The following GLI3 variants were observed in gnomAD, a reference collection of about 807,000 sequenced individuals.
GLI3 encodes GLI family zinc finger 3.
A neutral mutation model predicts 100.8 loss-of-function variants in GLI3; 20 were observed. The observed-to-expected ratio is 0.20, with a 90% CI of 0.14 to 0.29. GLI3 has a LOEUF of 0.29. Ranked by LOEUF, GLI3 falls within the 10% of genes least tolerant of loss-of-function variation. The pLI is 1.00. For missense variants in GLI3, 2,040 were observed against 2,128.5 expected (o/e 0.96, Z 0.82); for synonymous variants, 938 against 860.5 (o/e 1.09, Z -1.58).
chr7:42,057,793 A>T (rs944236983), intron 4 of GLI3, among the ~76,000 whole-genome samples: 1 of 152,196 alleles, frequency 6.6e-6, no homozygotes, highest in African/African-American at 2.4e-5. Flanking sequence ...ACCAAATACC[A>T]TATGTTCTCA....
At chr7:42,253,152 C>T (rs1219011728) in intron 1 of GLI3, among the ~76,000 whole-genome samples, 4 of 152,184 alleles carry the variant, frequency 2.6e-5, no homozygotes, top group African/African-American at 7.2e-5. Context: ...TCATCCACAA[C>T]CAGACAGATG....
At chr7:42,092,000 G>A (rs1785230405) in intron 3 of GLI3, among the ~76,000 whole-genome samples, 1 of 152,236 alleles carries the variant, frequency 6.6e-6, no homozygotes, top group African/African-American at 2.4e-5. Context: ...GCTGGGCCTC[G>A]AAACCCTCTG....
At chr7:42,137,546 G>C (rs1786459344) in intron 3 of GLI3, among the ~76,000 whole-genome samples, 1 of 152,076 alleles carries the variant, frequency 6.6e-6, no homozygotes, top group Admixed American at 6.6e-5. Flanking sequence ...TGGCTGCAAA[G>C]ACACCTCCTG....
intron 1 of GLI3, among the ~76,000 whole-genome samples, chr7:42,235,223 T>G (rs1194735966): frequency 6.6e-6 from 1 of 152,174 alleles, no homozygotes; most frequent in Non-Finnish European, 1.5e-5. Flanking sequence ...ATGAAATAAT[T>G]ACAGGAATCA....
chr7:42,126,976 C>T (rs146380589), intron 3 of GLI3, among the ~76,000 whole-genome samples: 40 of 152,236 alleles, frequency 2.6e-4, no homozygotes, highest in African/African-American at 8.4e-4. Context: ...CCACAGCCAG[C>T]CCCTGAACCA....
At chr7:42,239,248 T>C (rs757794793), upstream of GLI3, among the ~76,000 whole-genome samples, 3 of 152,198 alleles carry the variant, frequency 2.0e-5, no homozygotes, top group Non-Finnish European at 4.4e-5. Flanking sequence ...CCGCGCTCAC[T>C]AACTGGCCTC....
At chr7:41,988,692 T>C (rs778590802) in intron 10 of GLI3, among the ~76,000 whole-genome samples, 1 of 152,168 alleles carries the variant, frequency 6.6e-6, no homozygotes, top group Non-Finnish European at 1.5e-5. Context: ...CAGTGAGAAA[T>C]CAACTTCTCT....
At position 42,166,518 on chromosome 7, in the gene GLI3, G is replaced by A. The variant is rs3779163; in HGVS notation, c.125-18050C>T. On this transcript the variant is annotated intron_variant, in intron 2 of 14. Transcript: ENST00000395925. The stretch of plus-strand genomic sequence containing the variant: ...GAGCATCCCTGTGGGCCTTGGCAAT[G>A]GGGCCCCAAGAAACAAGATGCCAAA... Among the ~76,000 whole-genome samples, 307 of 152,152 alleles carry A rather than the reference G, an allele frequency of 2.0e-3. 5 individuals carry two copies. In the East Asian group the frequency reaches 0.03, roughly 15 times the overall value.
intron 4 of GLI3, among the ~76,000 whole-genome samples, chr7:42,051,477 C>G (rs1784350711): frequency 1.3e-5 from 2 of 152,166 alleles, no homozygotes; most frequent in Non-Finnish European, 1.5e-5. Context: ...TATGTAAAAT[C>G]ATATGTGACA....
chr7:42,217,437 ACT>A (rs1788400236), intron 2 of GLI3, among the ~76,000 whole-genome samples: 1 of 152,012 alleles, frequency 6.6e-6, no homozygotes, highest in African/African-American at 2.4e-5. Flanking sequence ...AAACATAAAA[ACT>A]CTCTATAAAA....
chr7:42,250,236 T>C (rs1165640135), intron 1 of GLI3, among the ~76,000 whole-genome samples: 1 of 152,192 alleles, frequency 6.6e-6, no homozygotes, highest in Non-Finnish European at 1.5e-5. Flanking sequence ...TTCTTTGTAA[T>C]ATGGACCATT....
At chr7:42,177,067 G>A (rs1483434654) in intron 2 of GLI3, among the ~76,000 whole-genome samples, 1 of 152,190 alleles carries the variant, frequency 6.6e-6, no homozygotes, top group Non-Finnish European at 1.5e-5. Context: ...TTTGTTACAG[G>A]AGGGGCTGAT....
rs191295281 is a variant in GLI3, at chr7:41,961,274, C to T, written c.*3056G>A. 6.6e-6 allele frequency: 1 copy of T among 152,522 alleles called. No homozygotes were observed. Among genetic ancestry groups the T allele is most frequent in the African/African-American group, 2.4e-5 (1 of 41,522 alleles). 9.4% of individuals were successfully genotyped at this position (152,522 alleles called of 1,614,324 possible). Reference sequence around the variant, plus strand: ...TTTTATTTTACATGTCTGCAGGATACACAAGGGTAACTTGTCAGAAGAGAA... The same window carrying T: ...TTTTATTTTACATGTCTGCAGGATATACAAGGGTAACTTGTCAGAAGAGAA... On this transcript the variant is annotated 3_prime_UTR_variant, in exon 15 of 15. Transcript: ENST00000395925.
intron 10 of GLI3, among the ~76,000 whole-genome samples, chr7:42,014,911 TGG>T: frequency 6.6e-6 from 1 of 152,230 alleles, no homozygotes; most frequent in African/African-American, 2.4e-5. Context: ...CTGAAATCAA[TGG>T]TATACTTATG....
intron 2 of GLI3, among the ~76,000 whole-genome samples, chr7:42,175,618 CAAA>C (rs545191898): frequency 7.7e-6 from 1 of 130,384 alleles, no homozygotes; most frequent in Non-Finnish European, 1.7e-5. Flanking sequence ...ACTCTGTCTC[CAAA>C]AAAAAAAAAG....
intron 1 of GLI3, among the ~76,000 whole-genome samples, chr7:42,259,280 A>T (rs1302459389): frequency 6.6e-6 from 1 of 152,226 alleles, no homozygotes; most frequent in African/African-American, 2.4e-5. Flanking sequence ...GAGCCTGTCA[A>T]CCATACTCTG....
chr7:42,225,085 A>G (rs1399727437), intron 1 of GLI3, among the ~76,000 whole-genome samples: 3 of 152,208 alleles, frequency 2.0e-5, no homozygotes, highest in Non-Finnish European at 4.4e-5. Flanking sequence ...AGCTCTAACA[A>G]TCTCAGAATA....
intron 2 of GLI3, among the ~76,000 whole-genome samples, chr7:42,196,793 GA>G (rs1787935711): frequency 6.6e-6 from 1 of 152,110 alleles, no homozygotes; most frequent in East Asian, 1.9e-4. Flanking sequence ...AAGAGGGAAA[GA>G]AAAAGAAGGG....
At chr7:42,075,187 G>A (rs1343641799) in intron 4 of GLI3, among the ~76,000 whole-genome samples, 1 of 152,166 alleles carries the variant, frequency 6.6e-6, no homozygotes, top group African/African-American at 2.4e-5. Context: ...AAACTATAAT[G>A]AATGCAGAGG....
Sources: allele counts gnomAD v4.1 joint callset (sites outside exome capture counted in the v4.1 genomes callset), GRCh38; gene constraint gnomAD v4.1.1; transcripts MANE v1.5; gene names NCBI Gene and HGNC (gene_info 2026-07-23, HGNC 2026-07-21).